The following GUCY2C variants were observed in gnomAD, a reference collection of about 807,000 sequenced individuals.
GUCY2C encodes guanylate cyclase 2C.
GUCY2C carries 118 observed loss-of-function variants against 131.1 expected under a neutral mutation model. The ratio of observed to expected loss-of-function variants is 0.90; its 90% CI spans 0.78 to 1.05. The LOEUF is 1.05. Among genes scored for constraint, GUCY2C ranks in the 50% least tolerant of loss-of-function variants. GUCY2C has a pLI of 0.00. For synonymous variants in GUCY2C, 452 were observed against 457.8 expected (o/e 0.99, Z 0.16); for missense variants, 1,161 against 1,304.4 (o/e 0.89, Z 1.69).
At chr12:14,657,620 C>T (rs1156773422) in intron 11 of GUCY2C, among the ~76,000 whole-genome samples, 2 of 152,040 alleles carry the variant, frequency 1.3e-5, no homozygotes, top group Non-Finnish European at 2.9e-5. Context: ...TCAGTGGTGG[C>T]GTTAGATTCT....
At chr12:14,665,832 A>G (rs1484742866) in intron 10 of GUCY2C, 2 of 152,224 alleles carry the variant, frequency 1.3e-5, no homozygotes, top group South Asian at 2.1e-4. Context: ...CCAGTCATGC[A>G]TATCGTATTT....
intron 25 of GUCY2C, 26 bp from the exon 26 acceptor site, chr12:14,614,969 C>A (rs200646012): frequency 8.9e-6 from 12 of 1,343,786 alleles, no homozygotes; most frequent in Non-Finnish European, 1.2e-5. Flanking sequence ...AGTTACGTAC[C>A]ACGGAGTCCA....
chr12:14,649,314 A>C (rs1371940727), intron 15 of GUCY2C, among the ~76,000 whole-genome samples: 1 of 152,232 alleles, frequency 6.6e-6, no homozygotes, highest in Non-Finnish European at 1.5e-5. Context: ...ACAATAGAAG[A>C]AATTATAATT....
At chr12:14,620,371 C>T (rs1202591194) in intron 23 of GUCY2C, among the ~76,000 whole-genome samples, 1 of 152,146 alleles carries the variant, frequency 6.6e-6, no homozygotes, top group African/African-American at 2.4e-5. Flanking sequence ...TGTTTCTGTC[C>T]CTCACTTCTG....
At chr12:14,659,339 G>A (rs898993783) in intron 11 of GUCY2C, among the ~76,000 whole-genome samples, 9 of 152,042 alleles carry the variant, frequency 5.9e-5, no homozygotes, top group Non-Finnish European at 8.8e-5. Context: ...CACTGTGTTC[G>A]GCCACCAACA....
rs1430360138 is a variant in GUCY2C at position 14,684,609 on chromosome 12, C to T, written c.396-1352G>A. ...CCTTCCTTCCTTCCTTCCTTCCTTC[C>T]TTCCTTCCTTCCTTCCTTCCTTTCC... On this transcript the variant is annotated intron_variant, in intron 3 of 26. Transcript: ENST00000261170. Among the ~76,000 whole-genome samples, 23 of 9,646 alleles carry T rather than the reference C, an allele frequency of 2.4e-3. 1 individual carries two copies. Among genetic ancestry groups the T allele is most frequent in the African/African-American group, 8.2e-3 (20 of 2,438 alleles). The allele number at this position is 9,646 out of a possible 152,430, so 6.3% of individuals were successfully genotyped here.
chr12:14,679,563 G>A, intron 6 of GUCY2C, 94 bp downstream of exon 6: 1 of 722,334 alleles, frequency 1.4e-6, no homozygotes, highest in South Asian at 1.6e-5. Flanking sequence ...ATAAGGGGTT[G>A]TACAAAGCAA....
At chr12:14,645,351 G>C in intron 15 of GUCY2C, 36 bp from the exon 16 acceptor site, 2 of 1,038,234 alleles carry the variant, frequency 1.9e-6, no homozygotes, top group South Asian at 2.6e-5. Context: ...AAAAGTTGTT[G>C]CAAGAAAGGA....
intron 1 of GUCY2C, among the ~76,000 whole-genome samples, chr12:14,695,034 A>G (rs2137117915): frequency 6.6e-6 from 1 of 152,342 alleles, no homozygotes; most frequent in Middle Eastern, 3.4e-3. Context: ...TATAATACAT[A>G]CTGGATATTA....
In GUCY2C at chr12:14,684,977, C is replaced by G. The variant is rs542700741; in HGVS notation, c.395+1184G>C. On this transcript the variant is annotated intron_variant, in intron 3 of 26. Transcript: ENST00000261170. The stretch of plus-strand genomic sequence containing the variant: ...CAGGCTGGTGCCACTGATCCCTGCC[C>G]TCTGCAGTTTCCTGTTTCCATTTCC... 9.2e-5 allele frequency among the ~76,000 whole-genome samples: 14 copies of G among 152,198 alleles called. No individual in the cohort carries two copies. In the South Asian group the frequency reaches 2.9e-3, roughly 32 times the overall value.
Position 14,688,011 on chromosome 12 carries a change from A to G in GUCY2C, c.270T>C (p.His90=). Residue 90 remains histidine, a synonymous_variant, in exon 2 of 27, where the codon CAT becomes CAC. Transcript: ENST00000261170. ...TGCTACTCCGGCAGTCGCCTGAGTT[A>G]TGAATCAGACCATCCGAATACATGA... ...ATFMYSDGLI[H]NSGDCRSSTC... 1.9e-6 allele frequency: 3 copies of G among 1,614,050 alleles called. 1 individual carries two copies. In the South Asian group the frequency reaches 3.3e-5, roughly 18 times the overall value.
Position 14,674,625 on chromosome 12 carries a change from C to T in GUCY2C, c.1084G>A (p.Gly362Arg), listed in dbSNP as rs1252115152. The change falls in exon 8 of 27, where the codon GGG becomes AGG. Residue 362 changes from glycine (G) to arginine (R), a missense_variant and splice_region_variant. By Grantham distance (125) the Gly-to-Arg change is moderately radical. Coordinates refer to ENST00000261170, the MANE Select transcript of GUCY2C (RefSeq NM_004963.4). Reference protein sequence around the residue: ...AHAFRNLTFEGYDGPVTLDDW... With the variant: ...AHAFRNLTFERYDGPVTLDDW... ...TTATTTGCTCTTAGTAGACCAGTAC[C>T]TTCAAAAGTGAGATTCCTGAAAGCA... 1.9e-6 allele frequency: 3 copies of T among 1,613,476 alleles called. No individual in the cohort carries two copies. Among genetic ancestry groups the T allele is most frequent in the East Asian group, 2.2e-5 (1 of 44,856 alleles).
intron 26 of GUCY2C, among the ~76,000 whole-genome samples, chr12:14,614,027 G>A (rs1359303540): frequency 6.6e-6 from 1 of 152,090 alleles, no homozygotes; most frequent in African/African-American, 2.4e-5. Context: ...TCTTGGGGTT[G>A]GGGCAGGTCC....
chr12:14,683,293 G>A lies in GUCY2C; in HGVS notation c.396-36C>T, dbSNP rs1331267704. ...AGGTTGAGGAAAAAAGCCATTATCAGTATTAACTTAAGTAGCACAAATAAG... is the reference window on the plus strand; with the variant it reads ...AGGTTGAGGAAAAAAGCCATTATCAATATTAACTTAAGTAGCACAAATAAG... On this transcript the variant is annotated intron_variant, in intron 3 of 26. Coordinates refer to ENST00000261170, the MANE Select transcript of GUCY2C (RefSeq NM_004963.4). The A allele has an allele frequency of 3.8e-6, 5 of 1,322,926 alleles. No individual in the cohort carries two copies. The African/African-American group carries it at 7.2e-5, about 19-fold the overall frequency. The allele number at this position is 1,322,926 out of a possible 1,614,324, so 81.9% of individuals were successfully genotyped here.
At chr12:14,632,655 T>C (rs921066628) in intron 19 of GUCY2C, among the ~76,000 whole-genome samples, 2 of 152,178 alleles carry the variant, frequency 1.3e-5, no homozygotes, top group Non-Finnish European at 2.9e-5. Context: ...ACCTTGTTCA[T>C]TGAGCTTATA....
intron 9 of GUCY2C, among the ~76,000 whole-genome samples, chr12:14,671,735 C>G (rs776467010): frequency 6.6e-6 from 1 of 152,204 alleles, no homozygotes; most frequent in Non-Finnish European, 1.5e-5. Context: ...TTCTGCCTCT[C>G]TCTGTGAAGA....
intron 21 of GUCY2C, among the ~76,000 whole-genome samples, chr12:14,623,413 A>G (rs915279281): frequency 6.6e-6 from 1 of 152,202 alleles, no homozygotes; most frequent in Admixed American, 6.5e-5. Flanking sequence ...GCAATGACAA[A>G]ACTTGGAACC....
intron 19 of GUCY2C, among the ~76,000 whole-genome samples, chr12:14,639,396 G>T (rs187870269): frequency 6.6e-6 from 1 of 152,064 alleles, no homozygotes; most frequent in Admixed American, 6.5e-5. Flanking sequence ...CGGAGAATGC[G>T]GTAGGCTGAG....
At chr12:14,676,824 T>C (rs1948243240) in intron 7 of GUCY2C, 30 bp downstream of exon 7, 2 of 701,198 alleles carry the variant, frequency 2.9e-6, no homozygotes, top group Non-Finnish European at 4.3e-6. Context: ...TAATATATAA[T>C]TTATACTATA....
Sources: gnomAD v4.1 joint callset for allele counts (sites outside exome capture counted in the v4.1 genomes callset) on GRCh38, gnomAD v4.1.1 for gene constraint, MANE v1.5 for transcripts, NCBI Gene and HGNC (gene_info 2026-07-23, HGNC 2026-07-21) for gene names.